Variants in MLLT3 observed in about 807,000 individuals in gnomAD.
MLLT3 encodes protein AF-9.
In MLLT3, 4 loss-of-function variants were observed where a neutral mutation model predicts 53.2. That is an observed-to-expected ratio of 0.08 (90% confidence interval 0.04 to 0.17). The LOEUF (loss-of-function observed/expected upper bound fraction) is 0.17. MLLT3 is among the 10% of genes least tolerant of loss of function. The probability of loss-of-function intolerance (pLI) is 1.00; values close to 1 mark genes in which losing one functional copy is unlikely to be tolerated. For missense variants in MLLT3, 569 were observed against 684.0 expected, an observed-to-expected ratio of 0.83 and a Z score of 1.87; for synonymous variants, 283 against 230.6, an observed-to-expected ratio of 1.23 and a Z score of -2.06.
At chr9:20,541,944 T>G (rs116468595) in intron 2 of MLLT3, among the ~76,000 whole-genome samples, 6 of 152,206 alleles carry the variant, frequency 3.9e-5, no homozygotes, top group African/African-American at 1.2e-4. Flanking sequence ...TGTTGATATT[T>G]TGACCCCCTC....
rs1204961640 is a variant in MLLT3, at chr9:20,344,927, C to A, written c.*1516G>T. 1.4e-5 allele frequency: 3 copies of A among 214,728 alleles called. No individual in the cohort carries two copies. The highest frequency in any genetic ancestry group is 2.8e-5 in the Non-Finnish European group (3 of 106,482). The allele number at this position is 214,728 out of a possible 1,614,324, so 13.3% of individuals were successfully genotyped here. A position where few individuals can be genotyped will look rare whatever the true frequency, so the allele number is the denominator to read the frequency against. ...TCTTAAGGCTGATCCAGTGACGAAC[C>A]TTTGGATCCAGAAGTATTTCTTCAT... On this transcript the variant is annotated 3_prime_UTR_variant, in exon 11 of 11. Coordinates refer to ENST00000380338, the MANE Select transcript of MLLT3 (RefSeq NM_004529.4).
chr9:20,477,466 A>G (rs1824553206), intron 2 of MLLT3, among the ~76,000 whole-genome samples: 1 of 152,172 alleles, frequency 6.6e-6, no homozygotes, highest in Non-Finnish European at 1.5e-5. Context: ...AGTAGACCCC[A>G]ATAAGTTAAA....
rs532732959 is a variant in MLLT3 at position 20,346,495 on chromosome 9, T to C, written c.1655A>G (p.Lys552Arg). The part of the protein sequence containing the change: ...TFDFDLCSLD[K>R]TTVRKLQSYL... The stretch of plus-strand genomic sequence containing the variant: ...ACTCTGTAGTTTACGGACTGTGGTT[T>C]TGTCCAGCGAGCAAAGATCAAAATC... Residue 552 changes from lysine to arginine, a missense_variant, in exon 11 of 11, where the codon AAA becomes AGA. Transcript: ENST00000380338. 2.7e-5 allele frequency: 43 copies of C among 1,613,904 alleles called. No individual in the cohort carries two copies. The East Asian group carries it at 6.5e-4, about 24-fold the overall frequency.
rs1434196112 is a variant in MLLT3, at chr9:20,363,512, T to G, written c.1295A>C (p.Glu432Ala). 1.2e-6 allele frequency: 2 copies of G among 1,614,020 alleles called. No individual in the cohort carries two copies. Among genetic ancestry groups the G allele is most frequent in the Non-Finnish European group, 1.7e-6 (2 of 1,180,008 alleles). Residue 432 changes from glutamate to alanine, a missense_variant, in exon 7 of 11, where the codon GAG becomes GCG. Glu to Ala is a moderately radical substitution (Grantham distance 107). Coordinates refer to ENST00000380338, the MANE Select transcript of MLLT3 (RefSeq NM_004529.4). ...GCTGCCTCCTCTATTTACAGGCCTC[T>G]CCATTTCAGAGTCATTGTCGTTATC... ...VEDNDNDSEMERPVNRGGSRS... is the reference protein window; with the variant it reads ...VEDNDNDSEMARPVNRGGSRS...
intron 2 of MLLT3, among the ~76,000 whole-genome samples, chr9:20,480,963 A>G (rs1400535294): frequency 1.3e-5 from 2 of 152,272 alleles, no homozygotes; most frequent in African/African-American, 4.8e-5. Context: ...CATGAGAACT[A>G]TAATTTTAAA....
chr9:20,454,099 C>CT, intron 3 of MLLT3, among the ~76,000 whole-genome samples: 1 of 152,208 alleles, frequency 6.6e-6, no homozygotes, highest in South Asian at 2.1e-4. Flanking sequence ...TCATATGCTG[C>CT]TTTCTTCCTT....
intron 2 of MLLT3, among the ~76,000 whole-genome samples, chr9:20,599,064 G>C (rs1481941473): frequency 6.6e-6 from 1 of 152,186 alleles, no homozygotes; most frequent in African/African-American, 2.4e-5. Flanking sequence ...CCAGTACTTT[G>C]GGAGGCCAAG....
intron 5 of MLLT3, among the ~76,000 whole-genome samples, chr9:20,376,457 A>C (rs1030700712): frequency 6.6e-6 from 1 of 152,248 alleles, no homozygotes; most frequent in Admixed American, 6.5e-5. Context: ...ACAGATATAA[A>C]ATCATCCTGG....
At chr9:20,517,331 G>A (rs1020745719) in intron 2 of MLLT3, among the ~76,000 whole-genome samples, 1 of 152,044 alleles carries the variant, frequency 6.6e-6, no homozygotes, top group East Asian at 1.9e-4. Flanking sequence ...GGGACCAGAA[G>A]GAGTGGCATC....
rs556070687 is a variant in MLLT3 at position 20,497,412 on chromosome 9, T to C, written c.194-40626A>G. Among the ~76,000 whole-genome samples the C allele has an allele frequency of 5.9e-5, 9 of 152,292 alleles. No individual in the cohort carries two copies. The South Asian group carries it at 1.2e-3, about 21-fold the overall frequency. Reference sequence around the variant, plus strand: ...GGAACATCCATCAACCCCTAAAAGTTTTCCCCGACCTTCATGATCCTTTCC... The same window carrying C: ...GGAACATCCATCAACCCCTAAAAGTCTTCCCCGACCTTCATGATCCTTTCC... On this transcript the variant is annotated intron_variant, in intron 2 of 10. Transcript: ENST00000380338.
At chr9:20,420,488 G>A (rs2118791533) in intron 4 of MLLT3, among the ~76,000 whole-genome samples, 1 of 152,248 alleles carries the variant, frequency 6.6e-6, no homozygotes, top group Middle Eastern at 3.4e-3. Context: ...AACGTTGAGA[G>A]TACCAAATAG....
At chr9:20,509,981 G>C (rs1825488686) in intron 2 of MLLT3, among the ~76,000 whole-genome samples, 1 of 151,574 alleles carries the variant, frequency 6.6e-6, no homozygotes, top group African/African-American at 2.4e-5. Context: ...CATTACCTTA[G>C]CTGAATTATG....
intron 2 of MLLT3, among the ~76,000 whole-genome samples, chr9:20,601,602 G>GA (rs531016813): frequency 1.4e-3 from 214 of 152,214 alleles, no homozygotes; most frequent in Non-Finnish European, 2.7e-3. Context: ...TGGGAATAGG[G>GA]AAAAAACTGC....
intron 4 of MLLT3, among the ~76,000 whole-genome samples, chr9:20,437,133 G>C (rs1823426425): frequency 6.6e-6 from 1 of 151,938 alleles, no homozygotes; most frequent in South Asian, 2.1e-4. Context: ...AAAAAATCAA[G>C]ATCAGTATGC....
chr9:20,481,354 G>A (rs557182751), intron 2 of MLLT3, among the ~76,000 whole-genome samples: 21 of 152,252 alleles, frequency 1.4e-4, no homozygotes, highest in African/African-American at 4.6e-4. Context: ...ATTTTCCTCA[G>A]GAACCTGAAG....
At chr9:20,509,470 C>A (rs1433122251) in intron 2 of MLLT3, among the ~76,000 whole-genome samples, 6 of 152,138 alleles carry the variant, frequency 3.9e-5, no homozygotes, top group Admixed American at 2.0e-4. Flanking sequence ...CATTGAAACA[C>A]CCAGGCATTG....
intron 4 of MLLT3, among the ~76,000 whole-genome samples, chr9:20,419,988 C>T (rs557558112): frequency 1.3e-5 from 2 of 152,134 alleles, no homozygotes; most frequent in African/African-American, 4.8e-5. Flanking sequence ...TAAATTATTT[C>T]CACAGAAATT....
chr9:20,570,859 A>G (rs1364737728), intron 2 of MLLT3, among the ~76,000 whole-genome samples: 3 of 152,156 alleles, frequency 2.0e-5, no homozygotes, highest in Non-Finnish European at 4.4e-5. Context: ...TCCCACTTAG[A>G]AAAGGCAGGG....
At position 20,424,925 on chromosome 9, in the gene MLLT3, T is replaced by C. The variant is rs550101844; in HGVS notation, c.421-10500A>G. 3.9e-5 allele frequency among the ~76,000 whole-genome samples: 6 copies of C among 152,300 alleles called. No homozygotes were observed. In the South Asian group the frequency reaches 1.2e-3, roughly 32 times the overall value. On this transcript the variant is annotated intron_variant, in intron 4 of 10. Coordinates refer to ENST00000380338, the MANE Select transcript of MLLT3 (RefSeq NM_004529.4). ...GTGTGTGCTTTATAAATAACATGTATATGCAATGTGGCCGGGCACAAAGCA... is the reference window on the plus strand; with the variant it reads ...GTGTGTGCTTTATAAATAACATGTACATGCAATGTGGCCGGGCACAAAGCA...
Sources: gnomAD v4.1 joint callset for allele counts (sites outside exome capture counted in the v4.1 genomes callset) on GRCh38, gnomAD v4.1.1 for gene constraint, MANE v1.5 for transcripts, NCBI Gene and HGNC (gene_info 2026-07-23, HGNC 2026-07-21) for gene names.